Variants in SCFD2 observed in about 807,000 individuals in gnomAD.
SCFD2 encodes the protein sec1 family domain containing 2, also known as sec1 family domain-containing protein 2.
A neutral mutation model predicts 58.9 loss-of-function variants in SCFD2; 54 were observed. The ratio of observed to expected loss-of-function variants is 0.92; its 90% CI spans 0.74 to 1.15. The LOEUF is 1.15. Among genes scored for constraint, SCFD2 ranks in the 50% most tolerant of loss-of-function variants. The pLI, the probability that SCFD2 is intolerant of heterozygous loss-of-function variation, is 0.00. For synonymous variants in SCFD2, 321 were observed against 335.9 expected (o/e 0.96, Z 0.49); for missense variants, 805 against 836.6 (o/e 0.96, Z 0.47).
chr4:52,978,084 G>A (rs1166296831), intron 5 of SCFD2, among the ~76,000 whole-genome samples: 2 of 152,192 alleles, frequency 1.3e-5, no homozygotes, highest in African/African-American at 4.8e-5. Flanking sequence ...GCAGTTGCTG[G>A]CATGTAGAAA....
chr4:53,072,243 T>TA (rs1259355415), intron 5 of SCFD2, among the ~76,000 whole-genome samples: 1 of 152,164 alleles, frequency 6.6e-6, no homozygotes, highest in Non-Finnish European at 1.5e-5. Context: ...GCTCTGGTGT[T>TA]AGTGATACAG....
At chr4:52,880,504 C>T (rs970749762) in intron 8 of SCFD2, among the ~76,000 whole-genome samples, 4 of 150,888 alleles carry the variant, frequency 2.7e-5, no homozygotes, top group African/African-American at 9.8e-5. Context: ...GTAATCCTAG[C>T]TACTCGGGAG....
At chr4:53,071,721 C>A (rs1446171479) in intron 5 of SCFD2, among the ~76,000 whole-genome samples, 1 of 151,874 alleles carries the variant, frequency 6.6e-6, no homozygotes, top group Non-Finnish European at 1.5e-5. Flanking sequence ...GTACAGGTAT[C>A]CTCCAGTTTT....
chr4:53,355,548 T>C (rs1328578900), intron 1 of SCFD2, among the ~76,000 whole-genome samples: 1 of 152,086 alleles, frequency 6.6e-6, no homozygotes, highest in Admixed American at 6.6e-5. Context: ...ATATTGAGGA[T>C]CTACCTCAAT....
At chr4:53,273,706 G>A in intron 4 of SCFD2, 120 bp downstream of exon 4, 1 of 890,234 alleles carries the variant, frequency 1.1e-6, no homozygotes, top group Non-Finnish European at 1.6e-6. Context: ...TAGAGAATAT[G>A]AAGCAGGGCA....
In SCFD2 at chr4:53,167,023, T is replaced by C. The variant is rs537893725; in HGVS notation, c.1312-21441A>G. Among the ~76,000 whole-genome samples, 157 of 152,268 alleles carry C rather than the reference T, an allele frequency of 1.0e-3. 1 individual carries two copies. The highest frequency in any genetic ancestry group is 3.5e-3 in the African/African-American group (147 of 41,554). ...ATGAGAAGATCAGTATGTGATACCA[T>C]TAATCATCTCTTCTTCAGATAAACC... is the stretch of plus-strand genomic sequence containing the variant. On this transcript the variant is annotated intron_variant, in intron 4 of 8. Coordinates refer to ENST00000401642, the MANE Select transcript of SCFD2 (RefSeq NM_152540.4).
intron 4 of SCFD2, among the ~76,000 whole-genome samples, chr4:53,234,982 C>T (rs1458914098): frequency 6.6e-6 from 1 of 152,202 alleles, no homozygotes; most frequent in Non-Finnish European, 1.5e-5. Context: ...ACGGTCTTCC[C>T]ATCTTTTGCT....
At chr4:53,290,543 C>T (rs928455299) in intron 3 of SCFD2, among the ~76,000 whole-genome samples, 1 of 151,922 alleles carries the variant, frequency 6.6e-6, no homozygotes, top group African/African-American at 2.4e-5. Flanking sequence ...AATAGCCTAA[C>T]ATTATACCTC....
intron 4 of SCFD2, among the ~76,000 whole-genome samples, chr4:53,148,972 T>C (rs1726424279): frequency 6.6e-6 from 1 of 152,200 alleles, no homozygotes; most frequent in African/African-American, 2.4e-5. Flanking sequence ...ATTGTGCCAG[T>C]GCAACAGAGC....
At chr4:53,214,746 G>T (rs1408093955) in intron 4 of SCFD2, among the ~76,000 whole-genome samples, 3 of 152,112 alleles carry the variant, frequency 2.0e-5, no homozygotes, top group African/African-American at 4.8e-5. Flanking sequence ...GCCTTGAATG[G>T]TATTGCCTAG....
chr4:53,131,486 G>A (rs568650766), intron 5 of SCFD2, among the ~76,000 whole-genome samples: 20 of 152,282 alleles, frequency 1.3e-4, no homozygotes, highest in African/African-American at 4.6e-4. Context: ...ATAATGGTGT[G>A]ACCCTGAAAA....
intron 4 of SCFD2, among the ~76,000 whole-genome samples, chr4:53,259,005 C>A (rs957613244): frequency 1.5e-4 from 23 of 152,172 alleles, no homozygotes; most frequent in African/African-American, 4.3e-4. Context: ...ATATGCTTGT[C>A]AGCCATTTCT....
At chr4:53,087,128 T>C (rs570331953) in intron 5 of SCFD2, among the ~76,000 whole-genome samples, 1 of 152,306 alleles carries the variant, frequency 6.6e-6, no homozygotes, top group South Asian at 2.1e-4. Flanking sequence ...GTATCTCATG[T>C]ACCCCATAAA....
At chr4:53,016,213 G>C (rs1002182845) in intron 5 of SCFD2, among the ~76,000 whole-genome samples, 1 of 152,170 alleles carries the variant, frequency 6.6e-6, no homozygotes, top group African/African-American at 2.4e-5. Flanking sequence ...GAAAGGACAC[G>C]CTGCTGGAAG....
At chr4:52,974,385 CAGAG>C (rs999963661) in intron 5 of SCFD2, among the ~76,000 whole-genome samples, 1 of 152,152 alleles carries the variant, frequency 6.6e-6, no homozygotes, top group African/African-American at 2.4e-5. Flanking sequence ...AACAGACAAA[CAGAG>C]AGCCAAATCA....
chr4:52,878,660 A>T (rs1718536969), intron 8 of SCFD2, among the ~76,000 whole-genome samples: 1 of 152,254 alleles, frequency 6.6e-6, no homozygotes, highest in East Asian at 1.9e-4. Context: ...GAAGAGTTTG[A>T]AATTGGCTGA....
chr4:53,000,806 G>A (rs1721846812), intron 5 of SCFD2, among the ~76,000 whole-genome samples: 1 of 152,192 alleles, frequency 6.6e-6, no homozygotes, highest in Non-Finnish European at 1.5e-5. Context: ...ACATGTGCTT[G>A]TTGATTGACA....
At chr4:52,953,849 T>G (rs1248631685) in intron 5 of SCFD2, among the ~76,000 whole-genome samples, 1 of 152,186 alleles carries the variant, frequency 6.6e-6, no homozygotes, top group Non-Finnish European at 1.5e-5. Context: ...AGATTAGCAG[T>G]GTACAATAAA....
intron 4 of SCFD2, among the ~76,000 whole-genome samples, chr4:53,264,617 GTCAGGAA>G (rs1730925956): frequency 6.6e-6 from 1 of 152,172 alleles, no homozygotes; most frequent in Non-Finnish European, 1.5e-5. Flanking sequence ...TGTTGGTGAA[GTCAGGAA>G]TGGCACTAAA....
Sources: gnomAD v4.1 joint callset for allele counts (sites outside exome capture counted in the v4.1 genomes callset) on GRCh38, gnomAD v4.1.1 for gene constraint, MANE v1.5 for transcripts, NCBI Gene and HGNC (gene_info 2026-07-23, HGNC 2026-07-21) for gene names.